Variants in KCNIP4 observed in about 807,000 individuals in gnomAD.
KCNIP4 encodes potassium voltage-gated channel interacting protein 4.
In KCNIP4, 12 loss-of-function variants were observed where a neutral mutation model predicts 34.0. That is an observed-to-expected ratio of 0.35 (90% CI 0.23 to 0.57). KCNIP4 has a LOEUF of 0.57. KCNIP4 is among the 20% of genes least tolerant of loss of function. The pLI is 0.83. For synonymous variants in KCNIP4, 124 were observed against 102.2 expected (o/e 1.21, Z -1.29); for missense variants, 238 against 311.7 (o/e 0.76, Z 1.78).
chr4:21,363,447 A>G (rs1400671517), intron 1 of KCNIP4, among the ~76,000 whole-genome samples: 1 of 152,182 alleles, frequency 6.6e-6, no homozygotes, highest in Non-Finnish European at 1.5e-5. Context: ...GTGAACCAGG[A>G]GTGTTTGAAG....
intron 1 of KCNIP4, among the ~76,000 whole-genome samples, chr4:21,939,111 T>C (rs1410104280): frequency 6.6e-6 from 1 of 152,194 alleles, no homozygotes. Flanking sequence ...TAAAGCTATG[T>C]CTTAAATTGC....
intron 1 of KCNIP4, among the ~76,000 whole-genome samples, chr4:21,343,813 T>C (rs1717012180): frequency 6.6e-6 from 1 of 152,122 alleles, no homozygotes; most frequent in South Asian, 2.1e-4. Flanking sequence ...AAGAAACAAA[T>C]GCTCAGAGCC....
At position 21,904,914 on chromosome 4, in the gene KCNIP4, T is replaced by C. The variant is rs116615780; in HGVS notation, c.61+43657A>G. 9.9e-3 allele frequency among the ~76,000 whole-genome samples: 1,500 copies of C among 152,250 alleles called. 32 individuals are homozygous for C. Among genetic ancestry groups the C allele is most frequent in the African/African-American group, 0.034 (1,429 of 41,554 alleles). ...TTCATTGAGAACTACTGGATTAGAA[T>C]AAGTAAAGTAACTTGAAAATCACTT... is the stretch of plus-strand genomic sequence containing the variant. On this transcript the variant is annotated intron_variant, in intron 1 of 8. Transcript: ENST00000382152.
chr4:21,552,125 G>A (rs1738639241), intron 1 of KCNIP4, among the ~76,000 whole-genome samples: 1 of 151,438 alleles, frequency 6.6e-6, no homozygotes, highest in African/African-American at 2.4e-5. Flanking sequence ...ATTAGGTAAT[G>A]GAATTAGTGC....
chr4:21,341,433 G>C (rs1046956980), intron 1 of KCNIP4, among the ~76,000 whole-genome samples: 1 of 152,116 alleles, frequency 6.6e-6, no homozygotes, highest in Admixed American at 6.6e-5. Flanking sequence ...GCAAGTAATT[G>C]TGCAAACATG....
At chr4:20,985,289 A>T (rs2149697613) in intron 1 of KCNIP4, among the ~76,000 whole-genome samples, 1 of 152,274 alleles carries the variant, frequency 6.6e-6, no homozygotes, top group Admixed American at 6.5e-5. Context: ...TCTCCATTTA[A>T]AGGGAATTAT....
At chr4:21,253,724 C>A (rs1376172998) in intron 1 of KCNIP4, among the ~76,000 whole-genome samples, 1 of 152,168 alleles carries the variant, frequency 6.6e-6, no homozygotes, top group Non-Finnish European at 1.5e-5. Flanking sequence ...GCTGCTTCTG[C>A]CACACAGAGA....
intron 1 of KCNIP4, among the ~76,000 whole-genome samples, chr4:21,436,874 C>A (rs1354603275): frequency 6.6e-6 from 1 of 152,100 alleles, no homozygotes; most frequent in Non-Finnish European, 1.5e-5. Context: ...CTTTGGATAC[C>A]CCTATGCCTA....
chr4:21,137,351 A>G (rs1283970068), intron 1 of KCNIP4, among the ~76,000 whole-genome samples: 1 of 152,132 alleles, frequency 6.6e-6, no homozygotes, highest in Non-Finnish European at 1.5e-5. Flanking sequence ...ATCCCTTCCA[A>G]TGGTTTCCTC....
intron 2 of KCNIP4, among the ~76,000 whole-genome samples, chr4:20,872,760 C>T (rs929671568): frequency 6.6e-6 from 1 of 151,996 alleles, no homozygotes; most frequent in African/African-American, 2.4e-5. Context: ...CCCATTCTGG[C>T]CCAAATTAAC....
intron 1 of KCNIP4, among the ~76,000 whole-genome samples, chr4:21,902,514 T>C (rs758990403): frequency 2.0e-5 from 3 of 152,028 alleles, no homozygotes; most frequent in Non-Finnish European, 4.4e-5. Context: ...AAAGACCTTC[T>C]GGGAAAGAGA....
chr4:20,801,953 A>T (rs1714289178), intron 3 of KCNIP4, among the ~76,000 whole-genome samples: 1 of 151,898 alleles, frequency 6.6e-6, no homozygotes, highest in South Asian at 2.1e-4. Flanking sequence ...AGACACATGT[A>T]ACTAAAAGAG....
intron 3 of KCNIP4, among the ~76,000 whole-genome samples, chr4:20,768,514 C>T (rs1016543980): frequency 1.3e-5 from 2 of 152,184 alleles, no homozygotes; most frequent in East Asian, 3.8e-4. Flanking sequence ...AGCAGAAAAG[C>T]TGATCATTAA....
At chr4:21,520,804 C>T (rs551676712) in intron 1 of KCNIP4, among the ~76,000 whole-genome samples, 2 of 151,992 alleles carry the variant, frequency 1.3e-5, no homozygotes, top group South Asian at 4.2e-4. Flanking sequence ...ATACTTTATC[C>T]AAAATGTGTG....
At chr4:21,894,602 A>G (rs1727279906) in intron 1 of KCNIP4, among the ~76,000 whole-genome samples, 1 of 152,244 alleles carries the variant, frequency 6.6e-6, no homozygotes, top group Admixed American at 6.5e-5. Context: ...CATCAAAGAC[A>G]TAATGCAGAG....
chr4:20,765,897 CAT>C (rs1755356321), intron 3 of KCNIP4, among the ~76,000 whole-genome samples: 2 of 152,212 alleles, frequency 1.3e-5, no homozygotes, highest in South Asian at 2.1e-4. Flanking sequence ...TGTGGGGACA[CAT>C]GTGAGGGTCA....
At chr4:21,607,970 G>A (rs1173493134) in intron 1 of KCNIP4, among the ~76,000 whole-genome samples, 1 of 152,166 alleles carries the variant, frequency 6.6e-6, no homozygotes, top group African/African-American at 2.4e-5. Flanking sequence ...GTTGTATACA[G>A]ACGTGCAAAG....
intron 1 of KCNIP4, among the ~76,000 whole-genome samples, chr4:21,350,704 A>C (rs1303593546): frequency 6.6e-6 from 1 of 152,170 alleles, no homozygotes; most frequent in Middle Eastern, 3.2e-3. Flanking sequence ...GGATTTCCAC[A>C]AATTTCTGCT....
intron 1 of KCNIP4, among the ~76,000 whole-genome samples, chr4:20,888,620 A>G (rs1355895125): frequency 6.6e-6 from 1 of 152,118 alleles, no homozygotes; most frequent in Admixed American, 6.5e-5. Flanking sequence ...CAGAGACTAA[A>G]CACTCTTTGT....
Sources: allele counts gnomAD v4.1 joint callset (sites outside exome capture counted in the v4.1 genomes callset), GRCh38; gene constraint gnomAD v4.1.1; transcripts MANE v1.5; gene names NCBI Gene and HGNC (gene_info 2026-07-23, HGNC 2026-07-21).